Variants in BCL2L11 observed in about 807,000 individuals in gnomAD.
BCL2L11 encodes the protein bcl-2-like protein 11.
In BCL2L11, 15 loss-of-function variants were observed where a neutral mutation model predicts 20.6. That is an observed-to-expected ratio of 0.73 (90% CI 0.49 to 1.12). The LOEUF (loss-of-function observed/expected upper bound fraction) is 1.12. BCL2L11 is among the 50% of genes most tolerant of loss of function. BCL2L11 has a pLI of 0.00. For synonymous variants in BCL2L11, 108 were observed against 92.8 expected, an observed-to-expected ratio of 1.16 and a Z score of -0.94; for missense variants, 292 against 260.9, an observed-to-expected ratio of 1.12 and a Z score of -0.82.
chr2:111,123,134 C>T, intron 1 of BCL2L11: 1 of 983,404 alleles, frequency 1.0e-6, no homozygotes, highest in Non-Finnish European at 1.2e-6. Context: ...GCGTGCGGTA[C>T]GGGAGCGGGA....
chr2:111,159,270 A>G (rs1203699101), intron 3 of BCL2L11, among the ~76,000 whole-genome samples: 1 of 152,190 alleles, frequency 6.6e-6, no homozygotes, highest in Non-Finnish European at 1.5e-5. Flanking sequence ...CTGTCCTGCC[A>G]CTGTCTTCAG....
intron 2 of BCL2L11, among the ~76,000 whole-genome samples, chr2:111,133,890 G>C (rs1229659907): frequency 6.6e-6 from 1 of 152,162 alleles, no homozygotes; most frequent in East Asian, 1.9e-4. Context: ...AGGTGCTGCT[G>C]TTTGGAGTTT....
intron 2 of BCL2L11, chr2:111,131,592 T>G (rs927932515): frequency 2.0e-5 from 3 of 152,224 alleles, no homozygotes; most frequent in African/African-American, 7.2e-5. Context: ...ATTTATTGTT[T>G]ATTATTTCCT....
intron 2 of BCL2L11, among the ~76,000 whole-genome samples, chr2:111,145,122 C>T (rs1027089154): frequency 2.0e-5 from 3 of 152,158 alleles, no homozygotes; most frequent in Admixed American, 1.3e-4. Flanking sequence ...CAGAGTGCAG[C>T]GTTCCTGTGA....
intron 2 of BCL2L11, chr2:111,128,854 G>A: frequency 7.1e-7 from 1 of 1,411,756 alleles, no homozygotes; most frequent in Non-Finnish European, 9.3e-7. Context: ...GACTTTCTCT[G>A]TTTCTTTCTA....
At chr2:111,159,922 G>C (rs1188512156) in intron 3 of BCL2L11, among the ~76,000 whole-genome samples, 1 of 152,232 alleles carries the variant, frequency 6.6e-6, no homozygotes, top group Non-Finnish European at 1.5e-5. Context: ...AAAGGGCATT[G>C]TTCATATCTT....
At chr2:111,123,249 C>G (rs2071619920) in intron 1 of BCL2L11, 1 of 985,374 alleles carries the variant, frequency 1.0e-6, no homozygotes, top group South Asian at 4.7e-5. Context: ...GCTGCCAGAC[C>G]TTCCCCAGAC....
chr2:111,138,316 G>C (rs1196006021), intron 2 of BCL2L11, among the ~76,000 whole-genome samples: 1 of 152,132 alleles, frequency 6.6e-6, no homozygotes, highest in African/African-American at 2.4e-5. Context: ...GGCCACAGGT[G>C]GTCTTTTCTG....
At chr2:111,133,043 C>T (rs1232661920) in intron 2 of BCL2L11, among the ~76,000 whole-genome samples, 1 of 152,122 alleles carries the variant, frequency 6.6e-6, no homozygotes, top group African/African-American at 2.4e-5. Context: ...ATTTTGGTGA[C>T]TGAACAAAAG....
intron 3 of BCL2L11, among the ~76,000 whole-genome samples, chr2:111,160,693 A>C (rs2078446331): frequency 6.6e-6 from 1 of 152,210 alleles, no homozygotes; most frequent in South Asian, 2.1e-4. Flanking sequence ...AGAAAGTGAG[A>C]GAGGAGAGAA....
In BCL2L11 at chr2:111,120,973, T is replaced by TGCC. The variant is rs1336160533; in HGVS notation, c.-226_-224dup. The TGCC allele has an allele frequency of 3.3e-5, 9 of 271,204 alleles. No homozygotes were observed. Among genetic ancestry groups the TGCC allele is most frequent in the African/African-American group, 1.7e-4 (2 of 11,814 alleles). The allele number at this position is 271,204 out of a possible 1,614,324, so 16.8% of individuals were successfully genotyped here. On this transcript the variant is annotated 5_prime_UTR_variant, in exon 1 of 4. Transcript: ENST00000393256. Reference sequence around the variant, plus strand: ...GTTGGAGCTCTGCGTCCAGCGCCGCTGCCGCTGCCGCCGCCGCCGCCGCCG... The same window carrying TGCC: ...GTTGGAGCTCTGCGTCCAGCGCCGCTGCCGCCGCTGCCGCCGCCGCCGCCGCCG...
intron 2 of BCL2L11, among the ~76,000 whole-genome samples, chr2:111,127,022 G>A (rs2072775540): frequency 6.6e-6 from 1 of 151,854 alleles, no homozygotes. Context: ...TTCCTTTTAT[G>A]TCTCTGATTT....
chr2:111,147,212 C>A (rs1264457078), intron 2 of BCL2L11, among the ~76,000 whole-genome samples: 2 of 152,094 alleles, frequency 1.3e-5, no homozygotes, highest in African/African-American at 4.8e-5. Flanking sequence ...GCTAAAGACA[C>A]ATCTCAGGGC....
chr2:111,142,304 G>A lies in BCL2L11; in HGVS notation c.395-7740G>A, dbSNP rs3761706. On this transcript the variant is annotated intron_variant, in intron 2 of 3. Coordinates refer to ENST00000393256, the MANE Select transcript of BCL2L11 (RefSeq NM_138621.5). ...CAATTTATTTATACAACATTTTTAT[G>A]GCTTGCAGATGACTCCGCTGGATCC... The A allele has an allele frequency of 0.067, 104,242 of 1,548,728 alleles. 4,048 individuals carry two copies. Among genetic ancestry groups the A allele is most frequent in the East Asian group, 0.14 (5,887 of 40,908 alleles).
At chr2:111,152,660 T>G (rs550404477) in intron 3 of BCL2L11, among the ~76,000 whole-genome samples, 1 of 152,242 alleles carries the variant, frequency 6.6e-6, no homozygotes, top group South Asian at 2.1e-4. Flanking sequence ...TTGAGTCATA[T>G]GCAGATGAAA....
rs114223633 is a variant in BCL2L11, at chr2:111,142,368, A to T, written c.395-7676A>T. 3,388 of 1,550,504 alleles carry T rather than the reference A, an allele frequency of 2.2e-3. 56 individuals carry two copies. The African/African-American group carries it at 0.039, about 18-fold the overall frequency. Reference sequence around the variant, plus strand: ...CCCTTCATAGGGAAGTTCAGTGGCCACTCAAGTGGTTAGCAAAATCAAGGT... The same window carrying T: ...CCCTTCATAGGGAAGTTCAGTGGCCTCTCAAGTGGTTAGCAAAATCAAGGT... On this transcript the variant is annotated intron_variant, in intron 2 of 3. Transcript: ENST00000393256.
At chr2:111,157,202 A>C (rs1299992998) in intron 3 of BCL2L11, among the ~76,000 whole-genome samples, 1 of 152,190 alleles carries the variant, frequency 6.6e-6, no homozygotes. Flanking sequence ...CATAACCATG[A>C]GGAAGGAGAT....
At chr2:111,161,737 G>A (rs2078574163) in intron 3 of BCL2L11, among the ~76,000 whole-genome samples, 1 of 152,184 alleles carries the variant, frequency 6.6e-6, no homozygotes, top group Admixed American at 6.5e-5. Context: ...AGAAGCCACT[G>A]GGTGTGCCCT....
chr2:111,163,335 A>T (rs2078797019), intron 3 of BCL2L11: 1 of 152,266 alleles, frequency 6.6e-6, no homozygotes, highest in Non-Finnish European at 1.5e-5. Context: ...CATGGCGTCG[A>T]GGTTGAGGTG....
Sources: allele counts gnomAD v4.1 joint callset (sites outside exome capture counted in the v4.1 genomes callset), GRCh38; gene constraint gnomAD v4.1.1; transcripts MANE v1.5; gene names NCBI Gene and HGNC (gene_info 2026-07-23, HGNC 2026-07-21).